The following RGSL1 variants were observed in gnomAD, a reference collection of about 807,000 sequenced individuals.
RGSL1 encodes regulator of G protein signaling protein-like.
RGSL1 carries 97 observed loss-of-function variants against 124.7 expected under a neutral mutation model. That is an observed-to-expected ratio of 0.78 (90% CI 0.66 to 0.92). The LOEUF (loss-of-function observed/expected upper bound fraction) is 0.92, where lower values mean the gene tolerates loss of function less well. Ranked by LOEUF, RGSL1 falls within the 40% of genes least tolerant of loss-of-function variation. The pLI is 0.00. For missense variants in RGSL1, 1,233 were observed against 1,288.4 expected, an observed-to-expected ratio of 0.96 and a Z score of 0.66; for synonymous variants, 424 against 438.1, an observed-to-expected ratio of 0.97 and a Z score of 0.40.
chr1:182,556,318 T>C (rs1444099179), intron 21 of RGSL1, 96 bp downstream of exon 21: 1 of 426,074 alleles, frequency 2.3e-6, no homozygotes, highest in African/African-American at 2.0e-5. Context: ...CACATCTTCC[T>C]GGCTGTGTGC....
chr1:182,546,972 G>A (rs1660250440), intron 15 of RGSL1, among the ~76,000 whole-genome samples: 1 of 152,212 alleles, frequency 6.6e-6, no homozygotes, highest in Non-Finnish European at 1.5e-5. Context: ...ATGGGCATCA[G>A]TCAGTGTGTT....
At chr1:182,501,319 T>C (rs1323196781) in intron 9 of RGSL1, among the ~76,000 whole-genome samples, 3 of 111,130 alleles carry the variant, frequency 2.7e-5, no homozygotes, top group East Asian at 2.5e-4. Context: ...TTTTTTTTTT[T>C]TTTTTTTTTT....
At chr1:182,515,273 A>C (rs1403134548) in intron 9 of RGSL1, among the ~76,000 whole-genome samples, 1 of 152,188 alleles carries the variant, frequency 6.6e-6, no homozygotes, top group Non-Finnish European at 1.5e-5. Flanking sequence ...GCAGGGATTT[A>C]GTCGACAGGA....
At chr1:182,547,269 G>A (rs563497343) in intron 15 of RGSL1, among the ~76,000 whole-genome samples, 50 of 152,348 alleles carry the variant, frequency 3.3e-4, no homozygotes, top group African/African-American at 1.2e-3. Flanking sequence ...CATAGGAAGT[G>A]TATTTAGACA....
intron 14 of RGSL1, 50 bp downstream of exon 14, chr1:182,532,841 G>T: frequency 6.6e-7 from 1 of 1,522,646 alleles, no homozygotes; most frequent in East Asian, 2.5e-5. Flanking sequence ...TTTTAGCCAT[G>T]AGGGTCAGCC....
At position 182,527,561 on chromosome 1, in the gene RGSL1, T is replaced by C; in HGVS notation, c.1932-18T>C. The C allele has an allele frequency of 6.5e-7, 1 of 1,532,196 alleles. No homozygotes were observed. Among genetic ancestry groups the C allele is most frequent in the Non-Finnish European group, 8.8e-7 (1 of 1,138,336 alleles). 94.9% of individuals were successfully genotyped at this position (1,532,196 alleles called of 1,614,324 possible). ...ATCATTCCTTTCTCTCTACCAAAGA[T>C]GCTTTCTTGTTTTCCAGAAACTTGA... is the stretch of plus-strand genomic sequence containing the variant. On this transcript the variant is annotated intron_variant, in intron 10 of 21. Coordinates refer to ENST00000294854, the MANE Select transcript of RGSL1 (RefSeq NM_001137669.2).
intron 4 of RGSL1, among the ~76,000 whole-genome samples, chr1:182,463,923 A>C (rs1464681970): frequency 6.6e-6 from 1 of 152,226 alleles, no homozygotes; most frequent in South Asian, 2.1e-4. Flanking sequence ...ATTCTTCTCA[A>C]GTGCACATGG....
intron 9 of RGSL1, among the ~76,000 whole-genome samples, chr1:182,497,121 AAAGTT>A (rs1655975269): frequency 1.3e-5 from 2 of 152,092 alleles, no homozygotes; most frequent in African/African-American, 4.8e-5. Flanking sequence ...AGAGGATAGA[AAAGTT>A]AATATAATAA....
At chr1:182,498,166 C>T (rs1320697144) in intron 9 of RGSL1, among the ~76,000 whole-genome samples, 1 of 151,962 alleles carries the variant, frequency 6.6e-6, no homozygotes, top group African/African-American at 2.4e-5. Flanking sequence ...TTTATATGAA[C>T]TCTTTTTTTT....
At chr1:182,507,862 C>A (rs1416282668) in intron 9 of RGSL1, among the ~76,000 whole-genome samples, 1 of 152,108 alleles carries the variant, frequency 6.6e-6, no homozygotes, top group Admixed American at 6.5e-5. Context: ...TGCCACCACA[C>A]CCAGCTAATT....
chr1:182,522,582 T>C (rs1012830485), intron 10 of RGSL1, among the ~76,000 whole-genome samples: 4 of 152,204 alleles, frequency 2.6e-5, no homozygotes, highest in African/African-American at 9.7e-5. Flanking sequence ...CAAACTCTGG[T>C]AAGGTCCCAC....
At position 182,553,544 on chromosome 1, in the gene RGSL1, G is replaced by C; in HGVS notation, c.3130+3G>C. ...AGCAATAAGTTCAGTTCAAAATTGT[G>C]AGTTGGAATTGGATCCCCACTGATA... On this transcript the variant is annotated splice_donor_region_variant and intron_variant, in intron 19 of 21. Transcript: ENST00000294854. The C allele has an allele frequency of 6.4e-7, 1 of 1,551,572 alleles. No homozygotes were observed. The highest frequency in any genetic ancestry group is 1.4e-5 in the African/African-American group (1 of 73,162).
At chr1:182,467,860 T>C (rs1210246714) in intron 4 of RGSL1, among the ~76,000 whole-genome samples, 3 of 152,136 alleles carry the variant, frequency 2.0e-5, no homozygotes, top group African/African-American at 7.2e-5. Context: ...ATTTTTGCAA[T>C]CTACTCATCT....
intron 4 of RGSL1, among the ~76,000 whole-genome samples, chr1:182,466,945 T>A (rs57027570): frequency 1.3e-5 from 2 of 152,070 alleles, no homozygotes; most frequent in Non-Finnish European, 1.5e-5. Context: ...CAACACAGTG[T>A]GGTGCAAGCA....
At chr1:182,498,792 G>GT (rs1201968624) in intron 9 of RGSL1, among the ~76,000 whole-genome samples, 5 of 44,872 alleles carry the variant, frequency 1.1e-4, no homozygotes, top group South Asian at 5.1e-4. Context: ...TTTTTCCTTT[G>GT]TTTGTTTGTT....
At chr1:182,457,210 C>T (rs926815116) in intron 2 of RGSL1, among the ~76,000 whole-genome samples, 46 of 152,226 alleles carry the variant, frequency 3.0e-4, no homozygotes, top group African/African-American at 1.0e-3. Context: ...GAATCTAGGG[C>T]GGTTCTAGGA....
rs1659069313 is a variant in RGSL1 at position 182,530,272 on chromosome 1, T to C, written c.2154T>C (p.Ile718=). 1 of 1,550,914 alleles carries C rather than the reference T, an allele frequency of 6.4e-7. No individual in the cohort carries two copies. The highest frequency in any genetic ancestry group is 8.7e-7 in the Non-Finnish European group (1 of 1,146,520). ...PEEMLQCDAP[I]IKEIASMRHV... Reference sequence around the variant, plus strand: ...AAATGCTGCAGTGTGATGCCCCTATTATCAAAGAAATCGCTTCCATGCGTC... The same window carrying C: ...AAATGCTGCAGTGTGATGCCCCTATCATCAAAGAAATCGCTTCCATGCGTC... Residue 718 remains isoleucine, a synonymous_variant, in exon 12 of 22, where the codon ATT becomes ATC. Coordinates refer to ENST00000294854, the MANE Select transcript of RGSL1 (RefSeq NM_001137669.2).
In RGSL1 at chr1:182,548,852, G is replaced by A. The variant is rs1248638365; in HGVS notation, c.2933+28G>A. 6 of 1,549,906 alleles carry A rather than the reference G, an allele frequency of 3.9e-6. No homozygotes were observed. The South Asian group carries it at 6.0e-5, about 15-fold the overall frequency. On this transcript the variant is annotated intron_variant, in intron 17 of 21. Coordinates refer to ENST00000294854, the MANE Select transcript of RGSL1 (RefSeq NM_001137669.2). ...AACTGTTTCTCCTTATTCAGTGACT[G>A]TTAGGTCAGGAAAACACACTTAGTT...
intron 9 of RGSL1, among the ~76,000 whole-genome samples, chr1:182,501,057 T>C (rs908776424): frequency 2.0e-5 from 3 of 152,152 alleles, no homozygotes; most frequent in Non-Finnish European, 4.4e-5. Context: ...GAAGGCATGC[T>C]TGTCTTCTTC....
Sources: allele counts gnomAD v4.1 joint callset (sites outside exome capture counted in the v4.1 genomes callset), GRCh38; gene constraint gnomAD v4.1.1; transcripts MANE v1.5; gene names NCBI Gene and HGNC (gene_info 2026-07-23, HGNC 2026-07-21).